TPD52L2: variants seen among roughly 807,000 people sequenced by gnomAD.
TPD52L2 encodes the protein TPD52 like 2.
Under a neutral mutation model 24.7 loss-of-function variants are expected in TPD52L2, and 19 were observed. That is an observed-to-expected ratio of 0.77 (90% confidence interval 0.54 to 1.13). The LOEUF is 1.13. TPD52L2 is among the 50% of genes most tolerant of loss of function. The pLI, the probability that TPD52L2 is intolerant of heterozygous loss-of-function variation, is 0.00. For missense variants in TPD52L2, 236 were observed against 250.4 expected (o/e 0.94, Z 0.39); for synonymous variants, 104 against 100.2 (o/e 1.04, Z -0.23).
chr20:63,886,022 T>C (rs1330652052), intron 5 of TPD52L2: 4 of 1,614,164 alleles, frequency 2.5e-6, no homozygotes, highest in Non-Finnish European at 2.5e-6. Context: ...CCAGGGCTCA[T>C]CCATTTTCAC....
chr20:63,884,575 G>A (rs551930533), intron 5 of TPD52L2, among the ~76,000 whole-genome samples: 21 of 152,352 alleles, frequency 1.4e-4, no homozygotes, highest in Non-Finnish European at 2.5e-4. Context: ...GAAGCACAGG[G>A]ACACGGTCCT....
At chr20:63,880,881 ACT>A (rs1311255830) in intron 4 of TPD52L2, among the ~76,000 whole-genome samples, 4 of 149,720 alleles carry the variant, frequency 2.7e-5, no homozygotes, top group Non-Finnish European at 5.9e-5. Context: ...ACAGAGCAAG[ACT>A]CTGTCTCAAA....
intron 2 of TPD52L2, 65 bp downstream of exon 2, chr20:63,869,506 G>A (rs2052383208): frequency 8.8e-6 from 14 of 1,597,902 alleles, no homozygotes; most frequent in Non-Finnish European, 1.2e-5. Flanking sequence ...ATTAGTGAGA[G>A]GCCAGGGTAC....
chr20:63,876,468 A>C (rs2052680473), intron 4 of TPD52L2, among the ~76,000 whole-genome samples: 1 of 152,218 alleles, frequency 6.6e-6, no homozygotes, highest in African/African-American at 2.4e-5. Context: ...GGTGTTGTTC[A>C]GAGTGACTCC....
chr20:63,869,268 C>T, intron 1 of TPD52L2, 28 bp from the exon 2 acceptor site: 3 of 1,613,490 alleles, frequency 1.9e-6, no homozygotes, highest in East Asian at 2.2e-5. Flanking sequence ...TTATTTGACA[C>T]TTTGTGGCCT....
Position 63,882,575 on chromosome 20 carries a change from C to T in TPD52L2, c.375-144C>T, listed in dbSNP as rs192025888. The T allele has an allele frequency of 4.2e-5, 29 of 693,262 alleles. No homozygotes were observed. The East Asian group carries it at 7.8e-4, about 19-fold the overall frequency. The allele number at this position is 693,262 out of a possible 1,614,324, so 42.9% of individuals were successfully genotyped here. On this transcript the variant is annotated intron_variant, in intron 4 of 6. Coordinates refer to ENST00000346249, the MANE Select transcript of TPD52L2 (RefSeq NM_003288.4). ...GAGGGGCTCTGGGCCTGCACCCCCT[C>T]TGTAGACACCTGGCGAGTGTCCACC...
intron 5 of TPD52L2, among the ~76,000 whole-genome samples, chr20:63,883,813 C>T (rs751491031): frequency 1.4e-5 from 2 of 140,132 alleles, no homozygotes; most frequent in Non-Finnish European, 3.1e-5. Flanking sequence ...ACATCTCCTG[C>T]TGGGCTGCCT....
chr20:63,887,070 G>GTTTT (rs2053157935), intron 5 of TPD52L2: 1 of 216,982 alleles, frequency 4.6e-6, no homozygotes, highest in Non-Finnish European at 9.3e-6. Flanking sequence ...GAGCCCATAG[G>GTTTT]TGTGCCTCCC....
chr20:63,883,321 C>T (rs2052968538), intron 5 of TPD52L2, among the ~76,000 whole-genome samples: 1 of 152,154 alleles, frequency 6.6e-6, no homozygotes, highest in Non-Finnish European at 1.5e-5. Context: ...CATCAGAGGT[C>T]CCTCAGCAAG....
In TPD52L2 at chr20:63,869,356, T is replaced by G. The variant is rs1307721099; in HGVS notation, c.80T>G (p.Val27Gly). 3 of 1,614,246 alleles carry G rather than the reference T, an allele frequency of 1.9e-6. No individual in the cohort carries two copies. The highest frequency in any genetic ancestry group is 2.5e-6 in the Non-Finnish European group (3 of 1,180,040). The change falls in exon 2 of 7, where the codon GTC becomes GGC. Residue 27 changes from valine to glycine, a missense_variant. Transcript: ENST00000346249. ...TCTGACTCCATGACGGATGTTCCTG[T>G]CGACACAGGTGTGGCTGCCCGGACT... is the stretch of plus-strand genomic sequence containing the variant. ...LLSDSMTDVP[V>G]DTGVAARTPA...
In TPD52L2 at chr20:63,875,800, G is replaced by T. The variant is rs770908403; in HGVS notation, c.315-16G>T. On this transcript the variant is annotated splice_polypyrimidine_tract_variant and intron_variant, in intron 3 of 6. Transcript: ENST00000346249. ...TTGTTCTTCTAAATAATTCACTGTAGACTTTCTGTTTTTAGCTATGTGAAA... is the reference window on the plus strand; with the variant it reads ...TTGTTCTTCTAAATAATTCACTGTATACTTTCTGTTTTTAGCTATGTGAAA... 6.2e-7 allele frequency: 1 copy of T among 1,613,736 alleles called. No homozygotes were observed. The highest frequency in any genetic ancestry group is 1.1e-5 in the South Asian group (1 of 91,056).
chr20:63,878,945 C>G (rs2052791847), intron 4 of TPD52L2, among the ~76,000 whole-genome samples: 1 of 152,202 alleles, frequency 6.6e-6, no homozygotes, highest in Admixed American at 6.5e-5. Flanking sequence ...GTAATAACAA[C>G]CCAGCCTTCT....
intron 5 of TPD52L2, among the ~76,000 whole-genome samples, chr20:63,885,256 A>G (rs1000976324): frequency 6.6e-6 from 1 of 152,052 alleles, no homozygotes; most frequent in African/African-American, 2.4e-5. Flanking sequence ...GGTGATGGGG[A>G]TGGGAGGAAG....
At chr20:63,874,550 G>A (rs759531689) in intron 3 of TPD52L2, among the ~76,000 whole-genome samples, 2 of 151,704 alleles carry the variant, frequency 1.3e-5, no homozygotes, top group Non-Finnish European at 2.9e-5. Flanking sequence ...ATTTTTTCAC[G>A]TTTTATAGAG....
chr20:63,865,396 G>A lies in TPD52L2; in HGVS notation c.19+12G>A. On this transcript the variant is annotated intron_variant, in intron 1 of 6. Transcript: ENST00000346249. ...CTCCGCCGGCCAAGGTACCTGCCGG[G>A]CCCGGCCCCTTCGCCGCAGATGGGC... The A allele has an allele frequency of 6.5e-7, 1 of 1,529,050 alleles. No homozygotes were observed. Among genetic ancestry groups the A allele is most frequent in the Non-Finnish European group, 8.7e-7 (1 of 1,143,326 alleles). The allele number at this position is 1,529,050 out of a possible 1,614,324, so 94.7% of individuals were successfully genotyped here.
At chr20:63,869,221 C>G in intron 1 of TPD52L2, 75 bp from the exon 2 acceptor site, 1 of 1,570,732 alleles carries the variant, frequency 6.4e-7, no homozygotes, top group Admixed American at 1.7e-5. Flanking sequence ...TGCTTTTGTC[C>G]TGCTAGAGAC....
intron 4 of TPD52L2, among the ~76,000 whole-genome samples, chr20:63,881,222 G>A (rs561369481): frequency 2.0e-5 from 3 of 152,166 alleles, no homozygotes; most frequent in African/African-American, 4.8e-5. Context: ...TTAGCAGGGC[G>A]TGGTGGTGGG....
At chr20:63,882,957 C>G in intron 5 of TPD52L2, 137 bp downstream of exon 5, 1 of 665,166 alleles carries the variant, frequency 1.5e-6, no homozygotes. Context: ...CATCATGGCC[C>G]CGACCAGTCT....
chr20:63,889,163 C>T, intron 5 of TPD52L2, 27 bp from the exon 6 acceptor site: 3 of 1,610,890 alleles, frequency 1.9e-6, no homozygotes, highest in Non-Finnish European at 2.5e-6. Flanking sequence ...CCTCTTGACA[C>T]CGACACTCTT....
Sources: allele counts gnomAD v4.1 joint callset (sites outside exome capture counted in the v4.1 genomes callset), GRCh38; gene constraint gnomAD v4.1.1; transcripts MANE v1.5; gene names NCBI Gene and HGNC (gene_info 2026-07-23, HGNC 2026-07-21).